Variants in TMEM132C observed in about 807,000 individuals in gnomAD.
TMEM132C encodes the protein protein phosphatase 1, regulatory subunit 152.
Under a neutral mutation model 61.4 loss-of-function variants are expected in TMEM132C, and 29 were observed. The observed-to-expected ratio is 0.47, with a 90% confidence interval of 0.35 to 0.64. The LOEUF is 0.64. Ranked by LOEUF, TMEM132C falls within the 30% of genes least tolerant of loss-of-function variation. The probability of loss-of-function intolerance (pLI) is 0.00; values close to 1 mark genes in which losing one functional copy is unlikely to be tolerated. For synonymous variants in TMEM132C, 656 were observed against 633.1 expected, an observed-to-expected ratio of 1.04 and a Z score of -0.54; for missense variants, 1,408 against 1,476.9, an observed-to-expected ratio of 0.95 and a Z score of 0.76.
At chr12:128,482,251 A>C (rs1039918731) in intron 2 of TMEM132C, among the ~76,000 whole-genome samples, 1 of 152,182 alleles carries the variant, frequency 6.6e-6, no homozygotes, top group Non-Finnish European at 1.5e-5. Flanking sequence ...AGCCGACTTG[A>C]TCGTGGTGGA....
intron 2 of TMEM132C, among the ~76,000 whole-genome samples, chr12:128,496,451 C>T (rs1360864128): frequency 2.0e-5 from 3 of 152,248 alleles, no homozygotes; most frequent in African/African-American, 2.4e-5. Context: ...TCCATTCTCC[C>T]CATCACTTTC....
rs200118855 is a variant in TMEM132C, at chr12:128,349,928, CA to C, written c.86-64803del. On this transcript the variant is annotated intron_variant, in intron 1 of 8. Transcript: ENST00000435159. ...TATGAACACGTACCGTACACACACA[CA>C]CACACACACACACGTGCAAGCATAC... 4.7e-3 allele frequency among the ~76,000 whole-genome samples: 720 copies of C among 152,226 alleles called. 5 individuals are homozygous for C. The highest frequency in any genetic ancestry group is 0.016 in the African/African-American group (685 of 41,534).
At position 128,588,587 on chromosome 12, in the gene TMEM132C, G is replaced by T. The variant is rs1445201301; in HGVS notation, c.1122-27565G>T. On this transcript the variant is annotated intron_variant, in intron 3 of 8. Coordinates refer to ENST00000435159, the MANE Select transcript of TMEM132C (RefSeq NM_001136103.3). ...CCTCAGTGCTATGGACTGAGTGTTT[G>T]TGTCCCCCCCACTCACAAAATTCAT... 2.0e-5 allele frequency among the ~76,000 whole-genome samples: 3 copies of T among 152,188 alleles called. No homozygotes were observed. The East Asian group carries it at 5.8e-4, about 29-fold the overall frequency.
At chr12:128,468,611 G>A (rs561199042) in intron 2 of TMEM132C, among the ~76,000 whole-genome samples, 10 of 152,186 alleles carry the variant, frequency 6.6e-5, no homozygotes, top group South Asian at 6.2e-4. Context: ...GAGCCACTGC[G>A]CCTGACCAAA....
intron 5 of TMEM132C, among the ~76,000 whole-genome samples, chr12:128,688,202 G>A (rs374197909): frequency 2.0e-5 from 3 of 152,172 alleles, no homozygotes; most frequent in Non-Finnish European, 2.9e-5. Flanking sequence ...CCAATGACTC[G>A]AACAGCCACA....
At chr12:128,370,535 G>A (rs1330982863) in intron 1 of TMEM132C, among the ~76,000 whole-genome samples, 3 of 151,732 alleles carry the variant, frequency 2.0e-5, no homozygotes, top group Admixed American at 2.0e-4. Flanking sequence ...GTGAGAGTGG[G>A]GCCTCAGGAA....
intron 1 of TMEM132C, among the ~76,000 whole-genome samples, chr12:128,339,267 G>A (rs1872883633): frequency 6.6e-6 from 1 of 151,930 alleles, no homozygotes; most frequent in Non-Finnish European, 1.5e-5. Flanking sequence ...AAGTTACAGA[G>A]GGCTTTTTTT....
chr12:128,565,289 C>T (rs1415709016), intron 3 of TMEM132C, among the ~76,000 whole-genome samples: 2 of 152,164 alleles, frequency 1.3e-5, no homozygotes, highest in Non-Finnish European at 1.5e-5. Flanking sequence ...TATAAGACCC[C>T]GGCCTCTCCT....
intron 3 of TMEM132C, among the ~76,000 whole-genome samples, chr12:128,609,601 G>A (rs1227288158): frequency 6.6e-6 from 1 of 152,016 alleles, no homozygotes; most frequent in Non-Finnish European, 1.5e-5. Flanking sequence ...ATTCAAGGGT[G>A]CTTGGAAATA....
chr12:128,692,126 C>T (rs1252958302), intron 5 of TMEM132C, among the ~76,000 whole-genome samples: 1 of 151,676 alleles, frequency 6.6e-6, no homozygotes, highest in Admixed American at 6.6e-5. Flanking sequence ...CACCCATCAG[C>T]TCATCTGTCT....
intron 4 of TMEM132C, among the ~76,000 whole-genome samples, chr12:128,645,597 G>A (rs966741633): frequency 2.6e-5 from 4 of 152,236 alleles, no homozygotes; most frequent in Admixed American, 2.6e-4. Flanking sequence ...TCTCCTGATA[G>A]CCTATGGATG....
chr12:128,601,345 A>G (rs1876179349), intron 3 of TMEM132C, among the ~76,000 whole-genome samples: 1 of 152,214 alleles, frequency 6.6e-6, no homozygotes, highest in African/African-American at 2.4e-5. Flanking sequence ...GCAATCACCC[A>G]GTCATTCTTC....
intron 1 of TMEM132C, among the ~76,000 whole-genome samples, chr12:128,403,681 A>C (rs2136012342): frequency 6.6e-6 from 1 of 150,444 alleles, no homozygotes; most frequent in East Asian, 2.0e-4. Context: ...TCTGAGGCTC[A>C]AGAGTTTAAG....
chr12:128,271,493 T>C (rs1025842087), intron 1 of TMEM132C, among the ~76,000 whole-genome samples: 1 of 152,200 alleles, frequency 6.6e-6, no homozygotes, highest in African/African-American at 2.4e-5. Context: ...CTCTTTTGCA[T>C]CTACTGAGAT....
At chr12:128,424,466 A>G (rs1869109888) in intron 2 of TMEM132C, among the ~76,000 whole-genome samples, 1 of 151,986 alleles carries the variant, frequency 6.6e-6, no homozygotes, top group Non-Finnish European at 1.5e-5. Context: ...AAAAAAAAAA[A>G]AGCCAGGCAC....
intron 3 of TMEM132C, among the ~76,000 whole-genome samples, chr12:128,576,869 T>C (rs528010364): frequency 2.2e-4 from 33 of 152,358 alleles, no homozygotes; most frequent in Non-Finnish European, 3.7e-4. Flanking sequence ...AAACTTCAAA[T>C]GTGCTTAAAA....
At chr12:128,476,730 GC>G (rs1307414861) in intron 2 of TMEM132C, among the ~76,000 whole-genome samples, 2 of 152,196 alleles carry the variant, frequency 1.3e-5, no homozygotes, top group African/African-American at 4.8e-5. Context: ...AAATACTTGG[GC>G]CTCACCCCCT....
chr12:128,612,030 A>G (rs555101440), intron 3 of TMEM132C, among the ~76,000 whole-genome samples: 2 of 152,342 alleles, frequency 1.3e-5, no homozygotes, highest in Admixed American at 1.3e-4. Context: ...GTGGGGGTGG[A>G]GAAGGGGTAG....
At chr12:128,403,652 C>T (rs1040832045) in intron 1 of TMEM132C, among the ~76,000 whole-genome samples, 2 of 152,068 alleles carry the variant, frequency 1.3e-5, no homozygotes, top group Non-Finnish European at 2.9e-5. Context: ...TATGTGATTC[C>T]CATCATCGAC....
Sources: gnomAD v4.1 joint callset for allele counts (sites outside exome capture counted in the v4.1 genomes callset) on GRCh38, gnomAD v4.1.1 for gene constraint, MANE v1.5 for transcripts, NCBI Gene and HGNC (gene_info 2026-07-23, HGNC 2026-07-21) for gene names.